The following GDPD5 variants were observed in gnomAD, a reference collection of about 807,000 sequenced individuals.
GDPD5 encodes glycerophosphodiester phosphodiesterase domain containing 5.
A neutral mutation model predicts 75.1 loss-of-function variants in GDPD5; 48 were observed. That is an observed-to-expected ratio of 0.64 (90% confidence interval 0.51 to 0.81). The LOEUF (loss-of-function observed/expected upper bound fraction) is 0.81. GDPD5 is among the 40% of genes least tolerant of loss of function. The pLI is 0.00. For synonymous variants in GDPD5, 336 were observed against 339.0 expected, an observed-to-expected ratio of 0.99 and a Z score of 0.10; for missense variants, 706 against 822.6, an observed-to-expected ratio of 0.86 and a Z score of 1.73.
At chr11:75,506,101 T>C (rs1051683357) in intron 1 of GDPD5, among the ~76,000 whole-genome samples, 3 of 152,204 alleles carry the variant, frequency 2.0e-5, no homozygotes, top group Non-Finnish European at 2.9e-5. Flanking sequence ...GAGGGTCAGA[T>C]ATGGCAAGAG....
At chr11:75,512,211 G>A (rs1294719333) in intron 1 of GDPD5, among the ~76,000 whole-genome samples, 1 of 149,116 alleles carries the variant, frequency 6.7e-6, no homozygotes, top group African/African-American at 2.5e-5. Context: ...ATGAATACAC[G>A]AACCAATTCT....
At chr11:75,456,574 A>C in intron 6 of GDPD5, 183 bp downstream of exon 6, 2 of 616,036 alleles carry the variant, frequency 3.2e-6, no homozygotes, top group Non-Finnish European at 5.9e-6. Context: ...GTAAGGGTTA[A>C]GTGAATGAAG....
rs550361355 is a variant in GDPD5, at chr11:75,490,335, G to A, written c.-144-15C>T. The A allele has an allele frequency of 6.6e-6, 1 of 152,340 alleles. No homozygotes were observed. The highest frequency in any genetic ancestry group is 2.1e-4 in the South Asian group (1 of 4,824). 9.4% of individuals were successfully genotyped at this position (152,340 alleles called of 1,614,324 possible). On this transcript the variant is annotated splice_polypyrimidine_tract_variant and intron_variant, in intron 1 of 16. Transcript: ENST00000336898. ...CACTGGGAGAGCTGAGAGGACAAGG[G>A]GATAAATCCAGTGAGTTCATTCATC...
Position 75,441,196 on chromosome 11 carries a change from G to A in GDPD5, c.1440C>T (p.Ala480=). The change falls in exon 14 of 17, where the codon GCC becomes GCT. Residue 480 remains alanine (A), a synonymous_variant. Coordinates refer to ENST00000336898, the MANE Select transcript of GDPD5 (RefSeq NM_030792.8). ...AGAGGGGGGAAGGCACCTGGGACAG[G>A]GCGTGGGAGTTGTCAGAGGTGACGG... ...VPSVTSDNSH[A]LSQVPSPLWI... 6.2e-7 allele frequency: 1 copy of A among 1,613,966 alleles called. No homozygotes were observed. The highest frequency in any genetic ancestry group is 8.5e-7 in the Non-Finnish European group (1 of 1,179,974).
chr11:75,466,131 G>C (rs1949510459), intron 3 of GDPD5, among the ~76,000 whole-genome samples: 1 of 152,224 alleles, frequency 6.6e-6, no homozygotes, highest in Non-Finnish European at 1.5e-5. Context: ...TCCAGGCATG[G>C]AAGGAATGCA....
chr11:75,520,175 G>T (rs556305262), intron 1 of GDPD5, among the ~76,000 whole-genome samples: 1 of 152,286 alleles, frequency 6.6e-6, no homozygotes, highest in Admixed American at 6.5e-5. Context: ...CATCTGGCAC[G>T]CCCTCCCTCC....
intron 2 of GDPD5, among the ~76,000 whole-genome samples, chr11:75,488,783 A>G (rs1565209301): frequency 1.3e-5 from 2 of 152,234 alleles, no homozygotes; most frequent in African/African-American, 4.8e-5. Flanking sequence ...GAATGATCAC[A>G]GGCCTCAGTG....
chr11:75,512,300 ACACACAC>A (rs1159529156), intron 1 of GDPD5, among the ~76,000 whole-genome samples: 29 of 151,234 alleles, frequency 1.9e-4, no homozygotes, highest in African/African-American at 7.0e-4. Context: ...ACACACACAC[ACACACAC>A]ACACACACAC....
rs114890160 is a variant in GDPD5 at position 75,461,003 on chromosome 11, G to C, written c.221+1783C>G. Among the ~76,000 whole-genome samples, 491 of 152,120 alleles carry C rather than the reference G, an allele frequency of 3.2e-3. 1 individual carries two copies. The highest frequency in any genetic ancestry group is 0.011 in the African/African-American group (471 of 41,496). ...ACACAGTCAGGCAGGCTGAAGTCCC[G>C]GTCCCAGATCTGTCTGCTTCTTGCT... is the stretch of plus-strand genomic sequence containing the variant. On this transcript the variant is annotated intron_variant, in intron 4 of 16. Coordinates refer to ENST00000336898, the MANE Select transcript of GDPD5 (RefSeq NM_030792.8).
At chr11:75,459,627 G>A (rs1290730623) in intron 4 of GDPD5, among the ~76,000 whole-genome samples, 1 of 152,004 alleles carries the variant, frequency 6.6e-6, no homozygotes, top group Non-Finnish European at 1.5e-5. Context: ...TCAAGACCAC[G>A]GTGAAACCCC....
intron 6 of GDPD5, among the ~76,000 whole-genome samples, chr11:75,456,267 C>T (rs936103381): frequency 1.3e-5 from 2 of 152,200 alleles, no homozygotes; most frequent in Middle Eastern, 6.8e-3. Flanking sequence ...TTTGGGTCAT[C>T]CTGGGAGCGG....
At chr11:75,447,379 C>T (rs773532837) in intron 9 of GDPD5, among the ~76,000 whole-genome samples, 4 of 152,090 alleles carry the variant, frequency 2.6e-5, no homozygotes, top group Middle Eastern at 3.2e-3. Context: ...GGTGTAATAA[C>T]AGCATTGTTG....
chr11:75,439,953 G>C lies in GDPD5; in HGVS notation c.1482C>G (p.Asp494Glu). 1 of 1,613,330 alleles carries C rather than the reference G, an allele frequency of 6.2e-7. No individual in the cohort carries two copies. Among genetic ancestry groups the C allele is most frequent in the Non-Finnish European group, 8.5e-7 (1 of 1,179,444 alleles). The change falls in exon 15 of 17, where the codon GAC becomes GAG. Residue 494 changes from aspartate to glutamate, a missense_variant. By Grantham distance (45) the Asp-to-Glu change is conservative. Coordinates refer to ENST00000336898, the MANE Select transcript of GDPD5 (RefSeq NM_030792.8). Reference sequence around the variant, plus strand: ...CAGTGACCCACATGAGACAGTACTCGTCCGGGGGCTGTGGACAGACGGCCC... The same window carrying C: ...CAGTGACCCACATGAGACAGTACTCCTCCGGGGGCTGTGGACAGACGGCCC... ...VPSPLWIMPP[D>E]EYCLMWVTAD... is the part of the protein sequence containing the mutation.
chr11:75,471,470 A>G (rs1211777899), intron 3 of GDPD5, among the ~76,000 whole-genome samples: 5 of 152,178 alleles, frequency 3.3e-5, no homozygotes, highest in African/African-American at 1.2e-4. Flanking sequence ...AGAGTGGTTC[A>G]TTAGGCAGGA....
At chr11:75,478,266 CAGCCTCCCAAGT>C (rs1401198069) in intron 2 of GDPD5, among the ~76,000 whole-genome samples, 1 of 152,242 alleles carries the variant, frequency 6.6e-6, no homozygotes, top group Non-Finnish European at 1.5e-5. Flanking sequence ...TCTCTTGCCT[CAGCCTCCCAAGT>C]AGCTGGGATT....
At chr11:75,449,427 A>AC (rs1258275304) in intron 8 of GDPD5, 90 bp downstream of exon 8, 10 of 1,304,250 alleles carry the variant, frequency 7.7e-6, no homozygotes, top group African/African-American at 1.5e-5. Context: ...TCCCCAGGCC[A>AC]CCCCCAGGGA....
chr11:75,474,999 T>C (rs892311590), intron 3 of GDPD5, among the ~76,000 whole-genome samples: 1 of 152,246 alleles, frequency 6.6e-6, no homozygotes, highest in Admixed American at 6.5e-5. Flanking sequence ...GTGTGACTGA[T>C]TTCTCCATCT....
At chr11:75,496,101 G>A (rs1209768595) in intron 1 of GDPD5, among the ~76,000 whole-genome samples, 1 of 152,240 alleles carries the variant, frequency 6.6e-6, no homozygotes, top group Non-Finnish European at 1.5e-5. Context: ...TTGCAGGGGA[G>A]CCAGGGTGCC....
intron 2 of GDPD5, among the ~76,000 whole-genome samples, chr11:75,481,741 T>C (rs909169823): frequency 2.0e-5 from 3 of 151,800 alleles, no homozygotes; most frequent in African/African-American, 7.3e-5. Flanking sequence ...CTAGACAGGG[T>C]TCTCTACTGT....
Sources: allele counts gnomAD v4.1 joint callset (sites outside exome capture counted in the v4.1 genomes callset), GRCh38; gene constraint gnomAD v4.1.1; transcripts MANE v1.5; gene names NCBI Gene and HGNC (gene_info 2026-07-23, HGNC 2026-07-21).